USH2A: variants seen among roughly 807,000 people sequenced by gnomAD.
USH2A encodes Usher syndrome 2A (autosomal recessive, mild).
Under a neutral mutation model 538.9 loss-of-function variants are expected in USH2A, and 443 were observed. That is an observed-to-expected ratio of 0.82 (90% confidence interval 0.76 to 0.89). USH2A has a LOEUF of 0.89. Ranked by LOEUF, USH2A falls within the 40% of genes least tolerant of loss-of-function variation. USH2A has a pLI of 0.00. For synonymous variants in USH2A, 2,413 were observed against 2,273.5 expected (o/e 1.06, Z -1.75); for missense variants, 6,633 against 6,324.8 (o/e 1.05, Z -1.65).
At chr1:216,175,917 A>C (rs2034372538) in intron 20 of USH2A, among the ~76,000 whole-genome samples, 1 of 152,048 alleles carries the variant, frequency 6.6e-6, no homozygotes, top group Non-Finnish European at 1.5e-5. Context: ...TGGCTGAGTA[A>C]GAGCTGCCTC....
intron 4 of USH2A, among the ~76,000 whole-genome samples, chr1:216,334,309 T>C (rs886565029): frequency 2.0e-5 from 3 of 151,970 alleles, no homozygotes; most frequent in Non-Finnish European, 4.4e-5. Context: ...ATGTTAATGA[T>C]AACATCCTGG....
In USH2A at chr1:216,070,216, AG is replaced by A. The variant is rs1053812278; in HGVS notation, c.5933del (p.Pro1978LeufsTer6). 1 of 1,613,868 alleles carries A rather than the reference AG, an allele frequency of 6.2e-7. No homozygotes were observed. The highest frequency in any genetic ancestry group is 1.3e-5 in the African/African-American group (1 of 74,884). ...GYSIEVTWDE[P>X]VVRGVIEKYI... is the part of the protein sequence containing the mutation. ...ACTTCTCAATTACACCTCTGACAAC[AG>A]GTTCATCCCAGGTCACCTCAATGCT... On this transcript the variant is annotated frameshift_variant, in exon 30 of 72. Coordinates refer to ENST00000307340, the MANE Select transcript of USH2A (RefSeq NM_206933.4). LOFTEE classifies it high-confidence loss of function.
intron 2 of USH2A, 147 bp downstream of exon 2, chr1:216,421,705 T>C: frequency 1.5e-6 from 2 of 1,308,182 alleles, no homozygotes; most frequent in Admixed American, 4.5e-5. Flanking sequence ...AAAAAAATTT[T>C]AATTGGGGAA....
At chr1:215,989,090 T>C (rs768157964) in intron 35 of USH2A, among the ~76,000 whole-genome samples, 86 of 152,360 alleles carry the variant, frequency 5.6e-4, no homozygotes, top group South Asian at 1.9e-3. Context: ...TTTATACCTT[T>C]CATATTTTGT....
intron 5 of USH2A, among the ~76,000 whole-genome samples, chr1:216,327,104 C>G (rs1230491097): frequency 6.6e-6 from 1 of 152,114 alleles, no homozygotes; most frequent in African/African-American, 2.4e-5. Flanking sequence ...AAATATATCA[C>G]AATACTTCAA....
chr1:215,810,752 T>C (rs11120641), intron 49 of USH2A, among the ~76,000 whole-genome samples: 10,663 of 152,212 alleles, frequency 0.07, 402 homozygotes, highest in East Asian at 0.15. Flanking sequence ...TTAACAGTAT[T>C]TGATCCATTG....
At chr1:215,970,551 C>T (rs1667468219) in intron 36 of USH2A, 74 bp downstream of exon 36, 1 of 1,596,600 alleles carries the variant, frequency 6.3e-7, no homozygotes, top group African/African-American at 1.3e-5. Context: ...GAGTCACCGC[C>T]ACTTACTTCT....
At chr1:215,859,624 C>T (rs1664263812) in intron 44 of USH2A, among the ~76,000 whole-genome samples, 1 of 152,186 alleles carries the variant, frequency 6.6e-6, no homozygotes, top group African/African-American at 2.4e-5. Flanking sequence ...GACTGCTGGA[C>T]TTGAGTATGC....
chr1:215,815,681 T>TA, intron 48 of USH2A, among the ~76,000 whole-genome samples: 1 of 152,200 alleles, frequency 6.6e-6, no homozygotes, highest in East Asian at 1.9e-4. Context: ...TTCATCCCAT[T>TA]ACTTTTTCTT....
intron 29 of USH2A, among the ~76,000 whole-genome samples, chr1:216,072,171 CA>C (rs1317544411): frequency 6.6e-6 from 1 of 152,138 alleles, no homozygotes; most frequent in East Asian, 1.9e-4. Context: ...AGTTTCCTGA[CA>C]AATATTTGAC....
intron 21 of USH2A, among the ~76,000 whole-genome samples, chr1:216,109,420 C>G (rs866712376): frequency 6.6e-6 from 1 of 152,212 alleles, no homozygotes; most frequent in Non-Finnish European, 1.5e-5. Flanking sequence ...CCACAGCACT[C>G]TGATCACCTA....
At chr1:216,320,889 G>T (rs1259958014) in intron 9 of USH2A, among the ~76,000 whole-genome samples, 1 of 152,062 alleles carries the variant, frequency 6.6e-6, no homozygotes, top group Non-Finnish European at 1.5e-5. Flanking sequence ...TTACATTTAT[G>T]TTAACCCTTA....
chr1:216,050,330 T>G, intron 30 of USH2A, among the ~76,000 whole-genome samples: 1 of 151,816 alleles, frequency 6.6e-6, no homozygotes, highest in East Asian at 2.0e-4. Context: ...AAACAGATAA[T>G]AATAATCTCG....
chr1:216,023,067 A>G (rs1184171906), intron 32 of USH2A, among the ~76,000 whole-genome samples: 1 of 152,186 alleles, frequency 6.6e-6, no homozygotes, highest in East Asian at 1.9e-4. Flanking sequence ...GAGATCATCT[A>G]CAGCAGGTGA....
intron 26 of USH2A, among the ~76,000 whole-genome samples, chr1:216,078,892 G>A (rs971096208): frequency 1.3e-4 from 19 of 151,784 alleles, no homozygotes; most frequent in Admixed American, 2.0e-4. Flanking sequence ...TCAATATTTC[G>A]GTTTTATTCT....
intron 14 of USH2A, among the ~76,000 whole-genome samples, chr1:216,222,934 C>T (rs1282217428): frequency 1.4e-5 from 2 of 146,360 alleles, no homozygotes. Context: ...GCCGAGATTG[C>T]ACCATTGCAC....
chr1:216,082,444 T>TG (rs2031980510), intron 26 of USH2A, among the ~76,000 whole-genome samples: 1 of 150,516 alleles, frequency 6.6e-6, no homozygotes, highest in Non-Finnish European at 1.5e-5. Flanking sequence ...ATATTGGCAT[T>TG]GTGTATGCTA....
chr1:216,202,070 TAAC>T (rs2035013715), intron 16 of USH2A, among the ~76,000 whole-genome samples: 2 of 152,088 alleles, frequency 1.3e-5, no homozygotes, highest in Non-Finnish European at 2.9e-5. Flanking sequence ...TTGAAAACAT[TAAC>T]AAAATTTGAA....
intron 60 of USH2A, among the ~76,000 whole-genome samples, chr1:215,731,035 C>T (rs957928077): frequency 6.6e-6 from 1 of 152,170 alleles, no homozygotes; most frequent in Non-Finnish European, 1.5e-5. Context: ...GGGGAAGTAA[C>T]ATTTTCTATT....
Sources: gnomAD v4.1 joint callset for allele counts (sites outside exome capture counted in the v4.1 genomes callset) on GRCh38, gnomAD v4.1.1 for gene constraint, MANE v1.5 for transcripts, NCBI Gene and HGNC (gene_info 2026-07-23, HGNC 2026-07-21) for gene names.